ARHGAP31: variants seen among roughly 807,000 people sequenced by gnomAD.
ARHGAP31 encodes Rho GTPase activating protein 31, also known as rho GTPase-activating protein 31.
ARHGAP31 carries 34 observed loss-of-function variants against 113.9 expected under a neutral mutation model. The ratio of observed to expected loss-of-function variants is 0.30; its 90% CI spans 0.23 to 0.40. ARHGAP31 has a LOEUF of 0.40. ARHGAP31 is among the 10% of genes least tolerant of loss of function. ARHGAP31 has a pLI of 1.00. For synonymous variants in ARHGAP31, 650 were observed against 684.8 expected, an observed-to-expected ratio of 0.95 and a Z score of 0.79; for missense variants, 1,548 against 1,767.1, an observed-to-expected ratio of 0.88 and a Z score of 2.22.
intron 1 of ARHGAP31, among the ~76,000 whole-genome samples, chr3:119,324,543 G>C (rs890377236): frequency 6.6e-6 from 1 of 152,186 alleles, no homozygotes; most frequent in African/African-American, 2.4e-5. Context: ...AATCCAAAAA[G>C]CTTGGGTACC....
intron 1 of ARHGAP31, among the ~76,000 whole-genome samples, chr3:119,332,829 T>G (rs2079907312): frequency 1.3e-5 from 2 of 152,126 alleles, no homozygotes; most frequent in African/African-American, 4.8e-5. Context: ...TTCCTGACAG[T>G]GCTAAGCAGA....
intron 9 of ARHGAP31, among the ~76,000 whole-genome samples, chr3:119,400,060 TACAAG>T (rs2107639636): frequency 6.6e-6 from 1 of 152,348 alleles, no homozygotes; most frequent in South Asian, 2.1e-4. Context: ...GCCCCTTTAA[TACAAG>T]ACATTTTTCT....
At chr3:119,411,296 A>T (rs1013149335) in intron 11 of ARHGAP31, among the ~76,000 whole-genome samples, 5 of 152,178 alleles carry the variant, frequency 3.3e-5, no homozygotes, top group Non-Finnish European at 7.3e-5. Flanking sequence ...GGAGGCACGA[A>T]TGCATCAGGA....
intron 1 of ARHGAP31, chr3:119,330,117 G>A (rs2079880138): frequency 2.8e-6 from 2 of 703,426 alleles, no homozygotes; most frequent in Non-Finnish European, 3.5e-6. Context: ...GTTGTGGAGA[G>A]AGCCTTCAGG....
intron 1 of ARHGAP31, among the ~76,000 whole-genome samples, chr3:119,336,374 G>A (rs1306136265): frequency 1.4e-5 from 2 of 142,166 alleles, no homozygotes; most frequent in African/African-American, 2.6e-5. Flanking sequence ...TCAGCCAGTC[G>A]CTAGATGGGC....
intron 1 of ARHGAP31, among the ~76,000 whole-genome samples, chr3:119,339,364 G>A (rs939111075): frequency 3.3e-5 from 5 of 152,138 alleles, no homozygotes; most frequent in African/African-American, 1.2e-4. Flanking sequence ...TAAGTTTAAT[G>A]CAATTCTTAT....
intron 1 of ARHGAP31, among the ~76,000 whole-genome samples, chr3:119,319,897 T>C (rs2079767006): frequency 6.6e-6 from 1 of 152,072 alleles, no homozygotes; most frequent in Non-Finnish European, 1.5e-5. Flanking sequence ...GGGACAATGA[T>C]AAAAAGCCCA....
chr3:119,312,926 T>TA (rs1293360398), intron 1 of ARHGAP31, among the ~76,000 whole-genome samples: 2 of 152,246 alleles, frequency 1.3e-5, no homozygotes, highest in Non-Finnish European at 2.9e-5. Context: ...GTGTGTTTAC[T>TA]AAAAATTCGC....
At chr3:119,373,999 C>T (rs1202780460) in intron 3 of ARHGAP31, among the ~76,000 whole-genome samples, 1 of 152,146 alleles carries the variant, frequency 6.6e-6, no homozygotes. Flanking sequence ...ACATGTCTAA[C>T]AGTGAGAGAT....
At chr3:119,328,522 G>C (rs1021464058) in intron 1 of ARHGAP31, among the ~76,000 whole-genome samples, 1 of 152,124 alleles carries the variant, frequency 6.6e-6, no homozygotes, top group Non-Finnish European at 1.5e-5. Flanking sequence ...CGCTATACTG[G>C]GGAATTTCAT....
At chr3:119,315,637 TA>T (rs1394071040) in intron 1 of ARHGAP31, among the ~76,000 whole-genome samples, 4 of 152,214 alleles carry the variant, frequency 2.6e-5, no homozygotes, top group African/African-American at 9.6e-5. Context: ...TGCTTGGGAC[TA>T]GGGGTAAGGC....
chr3:119,353,200 C>T (rs80246058), intron 1 of ARHGAP31, among the ~76,000 whole-genome samples: 2,852 of 152,272 alleles, frequency 0.019, 84 homozygotes, highest in African/African-American at 0.063. Flanking sequence ...CATGAGGGTC[C>T]TGTCTCAGCA....
chr3:119,369,781 G>A (rs1049730842), intron 3 of ARHGAP31, among the ~76,000 whole-genome samples: 6 of 152,106 alleles, frequency 3.9e-5, no homozygotes, highest in Non-Finnish European at 8.8e-5. Context: ...TCAGTGATGG[G>A]ATTTCAGACA....
At chr3:119,355,632 C>G (rs562617744) in intron 1 of ARHGAP31, among the ~76,000 whole-genome samples, 5 of 152,092 alleles carry the variant, frequency 3.3e-5, no homozygotes, top group Non-Finnish European at 5.9e-5. Flanking sequence ...CTATCCCTCC[C>G]CTATCCCCCC....
At chr3:119,370,862 A>G (rs113469132) in intron 3 of ARHGAP31, among the ~76,000 whole-genome samples, 3,910 of 152,240 alleles carry the variant, frequency 0.026, 76 homozygotes, top group Non-Finnish European at 0.04. Flanking sequence ...ATCCTTAGAG[A>G]AAAATCATGG....
intron 6 of ARHGAP31, 152 bp from the exon 7 acceptor site, chr3:119,390,633 C>T (rs1220164002): frequency 1.2e-6 from 1 of 852,304 alleles, no homozygotes; most frequent in Non-Finnish European, 1.9e-6. Flanking sequence ...GGTGTGCAGC[C>T]TCAGCCCCAG....
At chr3:119,400,749 T>A (rs1413619412) in intron 9 of ARHGAP31, among the ~76,000 whole-genome samples, 3 of 152,214 alleles carry the variant, frequency 2.0e-5, no homozygotes, top group African/African-American at 7.2e-5. Flanking sequence ...TACAGTTATG[T>A]AAGATGCCCA....
At position 119,416,134 on chromosome 3, in the gene ARHGAP31, G is replaced by C. The variant is rs527814281; in HGVS notation, c.4205G>C (p.Gly1402Ala). The change falls in exon 12 of 12, where the codon GGG becomes GCG. Residue 1402 changes from glycine (G) to alanine (A), a missense_variant. By Grantham distance (60) the Gly-to-Ala change is moderately conservative. Coordinates refer to ENST00000264245, the MANE Select transcript of ARHGAP31 (RefSeq NM_020754.4). ...GAAAACACATGGGTCACACCAGAAG[G>C]GGTTACACTTAGGAATAAAATGACC... ...LAENTWVTPE[G>A]VTLRNKMTIP... 11 of 1,614,138 alleles carry C rather than the reference G, an allele frequency of 6.8e-6. 1 individual carries two copies. In the South Asian group the frequency reaches 1.2e-4, roughly 18 times the overall value.
At chr3:119,306,320 T>G (rs1383434969) in intron 1 of ARHGAP31, among the ~76,000 whole-genome samples, 2 of 152,014 alleles carry the variant, frequency 1.3e-5, no homozygotes, top group Non-Finnish European at 2.9e-5. Context: ...TTTGGGAGGT[T>G]AGGTGGGTGG....
Sources: allele counts gnomAD v4.1 joint callset (sites outside exome capture counted in the v4.1 genomes callset), GRCh38; gene constraint gnomAD v4.1.1; transcripts MANE v1.5; gene names NCBI Gene and HGNC (gene_info 2026-07-23, HGNC 2026-07-21).